The following LRP2 variants were observed in gnomAD, a reference collection of about 807,000 sequenced individuals.
LRP2 encodes low-density lipoprotein receptor-related protein 2.
A neutral mutation model predicts 531.0 loss-of-function variants in LRP2; 172 were observed. The observed-to-expected ratio is 0.32, with a 90% CI of 0.29 to 0.37. The LOEUF (loss-of-function observed/expected upper bound fraction) is 0.37, where lower values mean the gene tolerates loss of function less well. Among genes scored for constraint, LRP2 ranks in the 10% least tolerant of loss-of-function variants. LRP2 has a pLI of 1.00. For synonymous variants in LRP2, 1,992 were observed against 2,027.6 expected (o/e 0.98, Z 0.47); for missense variants, 5,167 against 5,868.3 (o/e 0.88, Z 3.90).
chr2:169,279,658 T>A (rs17280868), intron 11 of LRP2, 63 bp from the exon 12 acceptor site: 17,415 of 1,028,818 alleles, frequency 0.017, 288 homozygotes, highest in South Asian at 0.048. Flanking sequence ...TTTGTTTTGA[T>A]TTTTTTTAGC....
At chr2:169,361,343 T>C (rs1686147519) in intron 1 of LRP2, among the ~76,000 whole-genome samples, 3 of 50,762 alleles carry the variant, frequency 5.9e-5, no homozygotes, top group Non-Finnish European at 1.2e-4. Flanking sequence ...TCTCTCTGTC[T>C]CTCTCTGTCT....
rs755923476 is a variant in LRP2, at chr2:169,140,519, G to A, written c.13135C>T (p.Pro4379Ser). 1.1e-5 allele frequency: 18 copies of A among 1,613,994 alleles called. No homozygotes were observed. Among genetic ancestry groups the A allele is most frequent in the Non-Finnish European group, 1.4e-5 (17 of 1,179,906 alleles). ...CCTCCGTGCATGCACCTGCATGGGG[G>A]GGGCAGGTTGATAGGCAGTTCGATG... Reference protein sequence around the residue: ...AAIELPINLPPPCRCMHGGNC... With the variant: ...AAIELPINLPSPCRCMHGGNC... The change falls in exon 72 of 79, where the codon CCC becomes TCC. Residue 4379 changes from proline to serine, a missense_variant. Physicochemically the swap from Pro to Ser is moderately conservative, Grantham distance 74. Around this residue, in one of 6 missense-constraint regions of LRP2, gnomAD observed 348 missense variants for 369.3 expected, o/e 0.94. Transcript: ENST00000649046.
rs1018469189 is a variant in LRP2 at position 169,358,911 on chromosome 2, A to AG, written c.79+3409_79+3410insC. 9.3e-5 allele frequency among the ~76,000 whole-genome samples: 14 copies of AG among 151,152 alleles called. No homozygotes were observed. The East Asian group carries it at 1.2e-3, about 13-fold the overall frequency. On this transcript the variant is annotated intron_variant, in intron 1 of 78. Coordinates refer to ENST00000649046, the MANE Select transcript of LRP2 (RefSeq NM_004525.3). The stretch of plus-strand genomic sequence containing the variant: ...ATACGATTTTCTCAAAAAAAAAAAA[A>AG]AAAAAGAAAAAATCTTCCAATCACA...
chr2:169,175,882 T>C (rs1687173659), intron 54 of LRP2, among the ~76,000 whole-genome samples: 1 of 152,234 alleles, frequency 6.6e-6, no homozygotes, highest in South Asian at 2.1e-4. Context: ...TCTGCATTAA[T>C]GCCTCTCTCC....
At chr2:169,271,196 C>A in intron 15 of LRP2, 89 bp from the exon 16 acceptor site, 1 of 784,692 alleles carries the variant, frequency 1.3e-6, no homozygotes, top group Non-Finnish European at 2.1e-6. Context: ...ACAGAGCAAA[C>A]TTTAAATTAT....
rs1177639837 is a variant in LRP2 at position 169,205,690 on chromosome 2, T to TC, written c.7557-54_7557-53insG. 2.7e-5 allele frequency: 40 copies of TC among 1,493,440 alleles called. No homozygotes were observed. In the African/African-American group the frequency reaches 4.6e-4, roughly 17 times the overall value. The allele number at this position is 1,493,440 out of a possible 1,614,324, so 92.5% of individuals were successfully genotyped here. A position where few individuals can be genotyped will look rare whatever the true frequency, so the allele number is the denominator to read the frequency against. ...AATTCACAGGGAACCTCATAGTCCT[T>TC]TAAAAAAAAAAAAAAGGACAATATT... On this transcript the variant is annotated intron_variant, in intron 40 of 78. Transcript: ENST00000649046.
chr2:169,174,454 T>C (rs1248471234), intron 55 of LRP2, among the ~76,000 whole-genome samples: 1 of 152,238 alleles, frequency 6.6e-6, no homozygotes, highest in Non-Finnish European at 1.5e-5. Flanking sequence ...TGGAAAATAG[T>C]CTTCAAACTT....
chr2:169,264,213 G>T (rs1301670153), intron 16 of LRP2, among the ~76,000 whole-genome samples: 1 of 151,756 alleles, frequency 6.6e-6, no homozygotes, highest in Non-Finnish European at 1.5e-5. Context: ...CCTGCACATT[G>T]TACACATGTA....
At chr2:169,342,355 C>G (rs1290429701) in intron 1 of LRP2, among the ~76,000 whole-genome samples, 1 of 152,094 alleles carries the variant, frequency 6.6e-6, no homozygotes, top group Non-Finnish European at 1.5e-5. Flanking sequence ...CTCTTTGTTC[C>G]ATGGTGACTC....
chr2:169,351,545 GT>G (rs1685847554), intron 1 of LRP2, among the ~76,000 whole-genome samples: 1 of 152,198 alleles, frequency 6.6e-6, no homozygotes, highest in Non-Finnish European at 1.5e-5. Flanking sequence ...AATGATGATG[GT>G]TGAGTTATAG....
At chr2:169,271,696 A>T (rs908768233) in intron 15 of LRP2, 1 of 983,880 alleles carries the variant, frequency 1.0e-6, no homozygotes, top group African/African-American at 1.8e-5. Context: ...TTGTTTAAAA[A>T]TCATACAGAG....
At chr2:169,184,763 G>GT (rs1303952742) in intron 50 of LRP2, among the ~76,000 whole-genome samples, 1 of 78,470 alleles carries the variant, frequency 1.3e-5, no homozygotes, top group African/African-American at 5.3e-5. Flanking sequence ...TTTTTGTTTT[G>GT]TTTGTTTTGT....
Position 169,279,463 on chromosome 2 carries a change from C to G in LRP2, c.1474G>C (p.Asp492His). The G allele has an allele frequency of 6.2e-7, 1 of 1,614,024 alleles. No individual in the cohort carries two copies. Among genetic ancestry groups the G allele is most frequent in the Non-Finnish European group, 8.5e-7 (1 of 1,179,962 alleles). ...TAGCTTCCATCCAAATTTACCATAT[C>G]TATGCGGTTGACCTTGGTTTCCACT... Reference protein sequence around the residue: ...YLVETKVNRIDMVNLDGSYRV... With the variant: ...YLVETKVNRIHMVNLDGSYRV... The change falls in exon 12 of 79, where the codon GAT (aspartate) becomes CAT (histidine). Residue 492 changes from aspartate (D) to histidine (H), a missense_variant. Coordinates refer to ENST00000649046, the MANE Select transcript of LRP2 (RefSeq NM_004525.3).
intron 8 of LRP2, among the ~76,000 whole-genome samples, chr2:169,289,640 A>G (rs1425583358): frequency 1.3e-5 from 2 of 151,640 alleles, no homozygotes; most frequent in Non-Finnish European, 2.9e-5. Flanking sequence ...CTTATTTATG[A>G]AAAAAAAATC....
At chr2:169,219,479 C>T (rs1042593013) in intron 34 of LRP2, among the ~76,000 whole-genome samples, 2 of 152,200 alleles carry the variant, frequency 1.3e-5, no homozygotes, top group African/African-American at 4.8e-5. Flanking sequence ...CCATTTTCTC[C>T]TAACTGGTCT....
At chr2:169,228,530 A>G (rs990480158) in intron 31 of LRP2, among the ~76,000 whole-genome samples, 21 of 152,096 alleles carry the variant, frequency 1.4e-4, no homozygotes. Flanking sequence ...GCTTAATTGG[A>G]ATAATTCTCA....
intron 1 of LRP2, among the ~76,000 whole-genome samples, chr2:169,345,772 C>G (rs1030159817): frequency 7.0e-6 from 1 of 143,100 alleles, no homozygotes; most frequent in African/African-American, 2.6e-5. Context: ...AAAAAAAAAA[C>G]GAGCACTGTT....
rs778140837 is a variant in LRP2 at position 169,279,584 on chromosome 2, A to G, written c.1353T>C (p.Val451=). 1 of 1,610,856 alleles carries G rather than the reference A, an allele frequency of 6.2e-7. No homozygotes were observed. The highest frequency in any genetic ancestry group is 1.7e-5 in the Admixed American group (1 of 59,968). The part of the protein sequence containing the change: ...TDTVQNKVFS[V]DINGLNIQEV... The stretch of plus-strand genomic sequence containing the variant: ...CTTGGATATTTAAACCATTAATGTC[A>G]ACTGAAAAAACCTGAAAGAAAAACC... Residue 451 remains valine, a synonymous_variant, in exon 12 of 79, where the codon GTT becomes GTC. Transcript: ENST00000649046.
chr2:169,173,163 G>A lies in LRP2; in HGVS notation c.11076C>T (p.Cys3692=). Residue 3692 remains cysteine (C), a synonymous_variant, in exon 57 of 79, where the codon TGC becomes TGT. Transcript: ENST00000649046. The part of the protein sequence containing the change: ...TEFSCKTNYR[C]IPKWAVCNGV... ...CATTGCACACGGCCCACTTTGGGAT[G>A]CAGCGGTAATTTGTTTTGCAGCTGA... The A allele has an allele frequency of 6.2e-7, 1 of 1,614,180 alleles. No individual in the cohort carries two copies. The highest frequency in any genetic ancestry group is 8.5e-7 in the Non-Finnish European group (1 of 1,180,022).
Sources: gnomAD v4.1 joint callset for allele counts (sites outside exome capture counted in the v4.1 genomes callset) on GRCh38, gnomAD v4.1.1 for gene constraint, gnomAD v4.1.1 regional missense constraint, MANE v1.5 for transcripts, NCBI Gene and HGNC (gene_info 2026-07-23, HGNC 2026-07-21) for gene names.